The following GMPS variants were observed in gnomAD, a reference collection of about 807,000 sequenced individuals.
The protein encoded by GMPS is GMP synthase [glutamine-hydrolyzing].
Under a neutral mutation model 77.9 loss-of-function variants are expected in GMPS, and 15 were observed. The ratio of observed to expected loss-of-function variants is 0.19; its 90% CI spans 0.13 to 0.30. The LOEUF (loss-of-function observed/expected upper bound fraction) is 0.30. Among genes scored for constraint, GMPS ranks in the 10% least tolerant of loss-of-function variants. GMPS has a pLI of 1.00. For synonymous variants in GMPS, 224 were observed against 275.9 expected (o/e 0.81, Z 1.86); for missense variants, 590 against 838.8 (o/e 0.70, Z 3.66).
At chr3:155,870,968 C>T in intron 1 of GMPS, 71 bp downstream of exon 1, 2 of 1,345,214 alleles carry the variant, frequency 1.5e-6, no homozygotes, top group African/African-American at 1.5e-5. Flanking sequence ...AGCCACCCCG[C>T]GAGGCCCTTC....
Position 155,911,170 on chromosome 3 carries a change from T to C in GMPS, c.777T>C (p.Ala259=), listed in dbSNP as rs772784469. The C allele has an allele frequency of 6.2e-7, 1 of 1,613,200 alleles. No homozygotes were observed. Among genetic ancestry groups the C allele is most frequent in the African/African-American group, 1.3e-5 (1 of 75,034 alleles). ...TTTGTACAGCTTTGCTAAATCGTGCTTTGAACCAAGAACAAGTCATTGCTG... is the reference window on the plus strand; with the variant it reads ...TTTGTACAGCTTTGCTAAATCGTGCCTTGAACCAAGAACAAGTCATTGCTG... ...STVCTALLNR[A]LNQEQVIAVH... The change falls in exon 7 of 16, where the codon GCT becomes GCC. Residue 259 remains alanine, a synonymous_variant. Coordinates refer to ENST00000496455, the MANE Select transcript of GMPS (RefSeq NM_003875.3).
At chr3:155,927,551 G>A (rs1755488720) in intron 12 of GMPS, among the ~76,000 whole-genome samples, 1 of 152,036 alleles carries the variant, frequency 6.6e-6, no homozygotes, top group Non-Finnish European at 1.5e-5. Context: ...TTTGTTATTG[G>A]ATAACTGACT....
chr3:155,933,480 C>T (rs1002440206), intron 13 of GMPS, among the ~76,000 whole-genome samples: 1 of 152,066 alleles, frequency 6.6e-6, no homozygotes, highest in African/African-American at 2.4e-5. Flanking sequence ...CTGTAAAGAT[C>T]TTTTATGAAC....
At chr3:155,936,896 T>G (rs1755778972) in intron 15 of GMPS, among the ~76,000 whole-genome samples, 1 of 152,218 alleles carries the variant, frequency 6.6e-6, no homozygotes, top group Non-Finnish European at 1.5e-5. Flanking sequence ...ATGTTCTCCC[T>G]ACTACCAATT....
In GMPS at chr3:155,920,041, A is replaced by C. The variant is rs972948780; in HGVS notation, c.1318+703A>C. Among the ~76,000 whole-genome samples the C allele has an allele frequency of 2.0e-5, 3 of 152,206 alleles. No homozygotes were observed. In the South Asian group the frequency reaches 6.2e-4, roughly 31 times the overall value. On this transcript the variant is annotated intron_variant, in intron 10 of 15. Coordinates refer to ENST00000496455, the MANE Select transcript of GMPS (RefSeq NM_003875.3). ...GCATAATAATAGCCAACATTTCTTA[A>C]GTACTTTCTATGTGCTAGGCACTCT... is the stretch of plus-strand genomic sequence containing the variant.
intron 12 of GMPS, among the ~76,000 whole-genome samples, chr3:155,926,663 G>C (rs937221785): frequency 9.2e-5 from 14 of 152,196 alleles, no homozygotes; most frequent in African/African-American, 3.4e-4. Flanking sequence ...CTAAATATAT[G>C]AATCTGTCAG....
At chr3:155,914,992 T>C (rs1449042697) in intron 8 of GMPS, among the ~76,000 whole-genome samples, 1 of 151,818 alleles carries the variant, frequency 6.6e-6, no homozygotes, top group Non-Finnish European at 1.5e-5. Flanking sequence ...TTGGTCCGGA[T>C]CTCCTGACCT....
intron 1 of GMPS, among the ~76,000 whole-genome samples, chr3:155,887,982 T>G (rs972663593): frequency 6.6e-6 from 1 of 152,276 alleles, no homozygotes; most frequent in South Asian, 2.1e-4. Flanking sequence ...GATTTAACAT[T>G]TTAGTTTAGG....
At chr3:155,896,300 T>C (rs898189407) in intron 2 of GMPS, among the ~76,000 whole-genome samples, 8 of 152,200 alleles carry the variant, frequency 5.3e-5, no homozygotes, top group African/African-American at 1.9e-4. Flanking sequence ...TGAGCCACCA[T>C]GCCTGGCGTT....
At chr3:155,877,521 C>G (rs542345210) in intron 1 of GMPS, among the ~76,000 whole-genome samples, 1 of 152,076 alleles carries the variant, frequency 6.6e-6, no homozygotes, top group African/African-American at 2.4e-5. Context: ...AACCTCTACC[C>G]TTCAGCAAGG....
chr3:155,904,375 C>T (rs9862051), intron 4 of GMPS, among the ~76,000 whole-genome samples: 2,996 of 151,812 alleles, frequency 0.02, 90 homozygotes, highest in African/African-American at 0.068. Flanking sequence ...CTGCAACGTC[C>T]GCCTCCTGGG....
intron 1 of GMPS, among the ~76,000 whole-genome samples, chr3:155,876,084 A>G (rs1326406980): frequency 6.6e-6 from 1 of 152,234 alleles, no homozygotes; most frequent in Non-Finnish European, 1.5e-5. Flanking sequence ...CTCCTGTGGC[A>G]AGAGTGTTCA....
At chr3:155,881,452 G>A (rs1051954590) in intron 1 of GMPS, among the ~76,000 whole-genome samples, 2 of 152,244 alleles carry the variant, frequency 1.3e-5, no homozygotes, top group East Asian at 3.9e-4. Flanking sequence ...GGTTACAGGC[G>A]TGAGCCACTG....
Position 155,943,772 on chromosome 3 carries a change from T to G in GMPS, c.*6080T>G, listed in dbSNP as rs12488351. 9,686 of 158,940 alleles carry G rather than the reference T, an allele frequency of 0.061. 391 individuals are homozygous for G. Among genetic ancestry groups the G allele is most frequent in the East Asian group, 0.18 (1,158 of 6,518 alleles). The allele number at this position is 158,940 out of a possible 1,614,324, so 9.8% of individuals were successfully genotyped here. ...ATGAAGCTTCCGTGTTTATGAGAAA[T>G]TCCAAGAAGTAAGAGCCAAGAGGAC... On this transcript the variant is annotated 3_prime_UTR_variant, in exon 16 of 16. Coordinates refer to ENST00000496455, the MANE Select transcript of GMPS (RefSeq NM_003875.3).
At chr3:155,917,590 T>G (rs1253466987) in intron 9 of GMPS, among the ~76,000 whole-genome samples, 3 of 152,016 alleles carry the variant, frequency 2.0e-5, no homozygotes, top group African/African-American at 7.2e-5. Context: ...TTTTTAAGAC[T>G]GAAAAATGGG....
chr3:155,906,564 T>A (rs948893321), intron 5 of GMPS, among the ~76,000 whole-genome samples: 2 of 152,136 alleles, frequency 1.3e-5, no homozygotes, highest in African/African-American at 4.8e-5. Context: ...TCAGGAAAAA[T>A]TTGAGAACTC....
chr3:155,931,466 A>G (rs1198724313), intron 12 of GMPS, among the ~76,000 whole-genome samples: 1 of 152,114 alleles, frequency 6.6e-6, no homozygotes, highest in Non-Finnish European at 1.5e-5. Flanking sequence ...GATTACAGGC[A>G]TGAACCACTG....
intron 4 of GMPS, among the ~76,000 whole-genome samples, chr3:155,905,091 G>A (rs1031523943): frequency 2.6e-5 from 4 of 151,740 alleles, no homozygotes; most frequent in Non-Finnish European, 4.4e-5. Flanking sequence ...GCAAGATCTC[G>A]ACTCACTGCA....
chr3:155,905,412 A>G (rs1754850322), intron 4 of GMPS, among the ~76,000 whole-genome samples: 1 of 152,142 alleles, frequency 6.6e-6, no homozygotes, highest in Non-Finnish European at 1.5e-5. Flanking sequence ...TGTACACATT[A>G]CATTTGATTA....
Sources: allele counts gnomAD v4.1 joint callset (sites outside exome capture counted in the v4.1 genomes callset), GRCh38; gene constraint gnomAD v4.1.1; transcripts MANE v1.5; gene names NCBI Gene and HGNC (gene_info 2026-07-23, HGNC 2026-07-21).